Variants in NUP155 observed in about 807,000 individuals in gnomAD.
NUP155 encodes the protein nuclear pore complex protein Nup155.
NUP155 carries 71 observed loss-of-function variants against 180.4 expected under a neutral mutation model. That is an observed-to-expected ratio of 0.39 (90% confidence interval 0.33 to 0.48). NUP155 has a LOEUF of 0.48. NUP155 is among the 20% of genes least tolerant of loss of function. The pLI, the probability that NUP155 is intolerant of heterozygous loss-of-function variation, is 0.91. For synonymous variants in NUP155, 582 were observed against 559.5 expected (o/e 1.04, Z -0.57); for missense variants, 1,553 against 1,648.9 (o/e 0.94, Z 1.01).
chr5:37,321,445 G>A lies in NUP155; in HGVS notation c.2207+2547C>T, dbSNP rs149227371. 1.4e-4 allele frequency among the ~76,000 whole-genome samples: 21 copies of A among 152,278 alleles called. No homozygotes were observed. In the East Asian group the frequency reaches 4.1e-3, roughly 29 times the overall value. On this transcript the variant is annotated intron_variant, in intron 20 of 34. Coordinates refer to ENST00000231498, the MANE Select transcript of NUP155 (RefSeq NM_153485.3). ...CTTAAAAGATAAAGACAGGCCAGGCGCGGTGGCTCACCCCTGTAATCCCAG... is the reference window on the plus strand; with the variant it reads ...CTTAAAAGATAAAGACAGGCCAGGCACGGTGGCTCACCCCTGTAATCCCAG...
At chr5:37,348,762 CT>C (rs938388357) in intron 8 of NUP155, among the ~76,000 whole-genome samples, 166 bp from the exon 9 acceptor site, 48 of 145,420 alleles carry the variant, frequency 3.3e-4, no homozygotes, top group East Asian at 4.0e-4. Flanking sequence ...GTGAGTTGGG[CT>C]TTTTTTTTTT....
rs755997412 is a variant in NUP155 at position 37,299,502 on chromosome 5, C to T, written c.3628G>A (p.Gly1210Ser). The T allele has an allele frequency of 1.4e-5, 22 of 1,613,914 alleles. No individual in the cohort carries two copies. The highest frequency in any genetic ancestry group is 9.3e-5 in the African/African-American group (7 of 75,014). ...ECKLAIIHCA[G>S]YSDPILVQTL... Reference sequence around the variant, plus strand: ...TGCACCAATATAGGGTCTGAATAACCGGCACAATGAATTATTGCAAGTTTG... The same window carrying T: ...TGCACCAATATAGGGTCTGAATAACTGGCACAATGAATTATTGCAAGTTTG... The change falls in exon 31 of 35, where the codon GGT becomes AGT. Residue 1210 changes from glycine (G) to serine (S), a missense_variant. Physicochemically the swap from Gly to Ser is moderately conservative, Grantham distance 56. Coordinates refer to ENST00000231498, the MANE Select transcript of NUP155 (RefSeq NM_153485.3).
chr5:37,370,884 G>A lies in NUP155; in HGVS notation c.94C>T (p.Arg32Cys), dbSNP rs779460704. The A allele has an allele frequency of 1.9e-5, 31 of 1,614,192 alleles. No individual in the cohort carries two copies. The highest frequency in any genetic ancestry group is 2.6e-5 in the Non-Finnish European group (31 of 1,180,046). The stretch of plus-strand genomic sequence containing the variant: ...TACATGCGGTCCTCTTGCAACTGAC[G>A]GTCGATGAGCCGTCCAGCATTTTCC... Reference protein sequence around the residue: ...ALENAGRLIDRQLQEDRMYPD... With the variant: ...ALENAGRLIDCQLQEDRMYPD... Residue 32 changes from arginine (R) to cysteine (C), a missense_variant, in exon 1 of 35, where the codon CGT becomes TGT. Transcript: ENST00000231498.
At chr5:37,303,055 T>A in intron 28 of NUP155, 147 bp from the exon 29 acceptor site, 1 of 1,084,406 alleles carries the variant, frequency 9.2e-7, no homozygotes, top group Admixed American at 2.5e-5. Flanking sequence ...TAAAAAAAAA[T>A]CTATTTTAGA....
chr5:37,333,819 G>GTT (rs537125933), intron 12 of NUP155, among the ~76,000 whole-genome samples, 186 bp from the exon 13 acceptor site: 1 of 145,290 alleles, frequency 6.9e-6, no homozygotes, highest in Non-Finnish European at 1.5e-5. Context: ...TTTGTTTTTT[G>GTT]TTTTTTTTTT....
At chr5:37,324,824 C>G (rs1744480989) in intron 19 of NUP155, among the ~76,000 whole-genome samples, 5 of 152,178 alleles carry the variant, frequency 3.3e-5, no homozygotes, top group Admixed American at 3.3e-4. Context: ...GCACGGGCCA[C>G]TGTGCCCAAC....
At chr5:37,294,005 C>CAAAAAAAAAAAAAAAAA (rs70976294) in intron 33 of NUP155, among the ~76,000 whole-genome samples, 83 of 37,244 alleles carry the variant, frequency 2.2e-3, no homozygotes, top group South Asian at 2.7e-3. Flanking sequence ...GACGCCGTCT[C>CAAAAAAAAAAAAAAAAA]AAAAAAAAAA....
chr5:37,361,402 A>C (rs1197678348), intron 3 of NUP155, among the ~76,000 whole-genome samples: 2 of 152,128 alleles, frequency 1.3e-5, no homozygotes, highest in Non-Finnish European at 2.9e-5. Flanking sequence ...AGAGAACAAG[A>C]AGCAGAAAAA....
At chr5:37,297,533 T>C (rs924578537) in intron 32 of NUP155, among the ~76,000 whole-genome samples, 1 of 151,432 alleles carries the variant, frequency 6.6e-6, no homozygotes, top group African/African-American at 2.4e-5. Context: ...CGCATGCCAC[T>C]ATGCCTGGAT....
intron 1 of NUP155, among the ~76,000 whole-genome samples, chr5:37,369,555 T>A (rs1031275300): frequency 2.6e-5 from 4 of 150,944 alleles, no homozygotes; most frequent in African/African-American, 9.9e-5. Context: ...TTTTATATCT[T>A]GTTTTCACAC....
Position 37,288,632 on chromosome 5 carries a change from G to C in NUP155, c.*3268C>G, listed in dbSNP as rs1259950503. The C allele has an allele frequency of 2.6e-5, 4 of 151,822 alleles. No individual in the cohort carries two copies. The highest frequency in any genetic ancestry group is 5.9e-5 in the Non-Finnish European group (4 of 68,014). 9.4% of individuals were successfully genotyped at this position (151,822 alleles called of 1,614,324 possible). On this transcript the variant is annotated 3_prime_UTR_variant, in exon 35 of 35. Transcript: ENST00000231498. ...AAAGAAATAATGGACAGGCATGGTG[G>C]CTCATGCCTATAATCCCAGCACTTT...
chr5:37,358,100 C>T lies in NUP155; in HGVS notation c.444G>A (p.Gly148=). The change falls in exon 4 of 35, where the codon GGG becomes GGA. Residue 148 remains glycine, a synonymous_variant. Coordinates refer to ENST00000231498, the MANE Select transcript of NUP155 (RefSeq NM_153485.3). ...DGLSETILAV[G]LVKPKAGIFQ... ...TCTTACCTGCTTTTGGCTTCACAAGCCCCACAGCAAGAATAGTCTCACTAA... is the reference window on the plus strand; with the variant it reads ...TCTTACCTGCTTTTGGCTTCACAAGTCCCACAGCAAGAATAGTCTCACTAA... The T allele has an allele frequency of 6.2e-7, 1 of 1,612,690 alleles. No homozygotes were observed.
intron 20 of NUP155, among the ~76,000 whole-genome samples, chr5:37,318,465 AGATT>A (rs1744044017): frequency 6.6e-6 from 1 of 151,720 alleles, no homozygotes; most frequent in Admixed American, 6.6e-5. Context: ...GAAGAAACAT[AGATT>A]GAGTATCCCT....
chr5:37,311,204 T>C (rs965424255), intron 22 of NUP155, among the ~76,000 whole-genome samples: 5 of 152,196 alleles, frequency 3.3e-5, no homozygotes, highest in African/African-American at 9.6e-5. Context: ...ATTTATACTA[T>C]AGTAAAAGAT....
In NUP155 at chr5:37,328,362, A is replaced by G. The variant is rs1744741797; in HGVS notation, c.1872T>C (p.Ser624=). The G allele has an allele frequency of 3.1e-6, 5 of 1,606,038 alleles. No homozygotes were observed. The highest frequency in any genetic ancestry group is 4.3e-6 in the Non-Finnish European group (5 of 1,172,718). Residue 624 remains serine, a synonymous_variant, in exon 17 of 35, where the codon TCT becomes TCC. Coordinates refer to ENST00000231498, the MANE Select transcript of NUP155 (RefSeq NM_153485.3). ...CAAAACAAAGAAAAGAGGTACCATG[A>G]GACGGTGTTCCCAAAAAGGATGGAT... The part of the protein sequence containing the change: ...YPNPSFLGTP[S]HGIQPPAMST...
At chr5:37,351,672 A>T (rs1455362912) in intron 5 of NUP155, among the ~76,000 whole-genome samples, 1 of 151,360 alleles carries the variant, frequency 6.6e-6, no homozygotes, top group Non-Finnish European at 1.5e-5. Flanking sequence ...GATGGTCTCG[A>T]TCTCCTGATC....
intron 12 of NUP155, among the ~76,000 whole-genome samples, chr5:37,336,123 C>T (rs185583841): frequency 1.3e-5 from 2 of 152,080 alleles, no homozygotes; most frequent in African/African-American, 2.4e-5. Flanking sequence ...AAACAAAAGT[C>T]CACCTTTGTT....
intron 33 of NUP155, 22 bp from the exon 34 acceptor site, chr5:37,293,007 G>A: frequency 7.0e-7 from 1 of 1,421,568 alleles, no homozygotes; most frequent in Non-Finnish European, 1.0e-6. Flanking sequence ...TATACATAAT[G>A]AAATGTGAGG....
At chr5:37,341,738 C>A (rs1433940467) in intron 10 of NUP155, among the ~76,000 whole-genome samples, 1 of 152,098 alleles carries the variant, frequency 6.6e-6, no homozygotes, top group South Asian at 2.1e-4. Context: ...GATGGGGTTT[C>A]ACCGTGTTAG....
Sources: gnomAD v4.1 joint callset for allele counts (sites outside exome capture counted in the v4.1 genomes callset) on GRCh38, gnomAD v4.1.1 for gene constraint, MANE v1.5 for transcripts, NCBI Gene and HGNC (gene_info 2026-07-23, HGNC 2026-07-21) for gene names.